Variants in ZNF594 observed in about 807,000 individuals in gnomAD.
The protein encoded by ZNF594 is zinc finger protein 594, also known as zinc finger protein HZF18.
For synonymous variants in ZNF594, 336 were observed against 309.4 expected (o/e 1.09, Z -0.90); for missense variants, 1,037 against 964.6 (o/e 1.08, Z -0.99).
At chr17:5,187,723 T>C (rs1292486775) in intron 1 of ZNF594, among the ~76,000 whole-genome samples, 1 of 152,168 alleles carries the variant, frequency 6.6e-6, no homozygotes, top group Admixed American at 6.5e-5. Flanking sequence ...CATAGAGTTG[T>C]TATGAGAATC....
downstream of ZNF594, chr17:5,175,060 GT>G (rs2144221119): frequency 5.6e-6 from 1 of 177,316 alleles, no homozygotes; most frequent in East Asian, 9.5e-5. Flanking sequence ...CTGTGATCCT[GT>G]TTTAATTCTC....
At position 5,184,456 on chromosome 17, in the gene ZNF594, T is replaced by C. The variant is rs2074373361; in HGVS notation, c.-20-180A>G. 4.5e-6 allele frequency: 3 copies of C among 663,676 alleles called. No individual in the cohort carries two copies. In the Admixed American group the frequency reaches 1.0e-4, roughly 23 times the overall value. The allele number at this position is 663,676 out of a possible 1,614,324, so 41.1% of individuals were successfully genotyped here. A position where few individuals can be genotyped will look rare whatever the true frequency, so the allele number is the denominator to read the frequency against. ...CAGGAACCTGTGCTACCACATACCCTGTTGGTGAAAAAACCCGCCAGGGTG... is the reference window on the plus strand; with the variant it reads ...CAGGAACCTGTGCTACCACATACCCCGTTGGTGAAAAAACCCGCCAGGGTG... On this transcript the variant is annotated intron_variant, in intron 1 of 1. Transcript: ENST00000575779.
At chr17:5,179,110 G>A (rs115044808), downstream of ZNF594, among the ~76,000 whole-genome samples, 1,119 of 151,542 alleles carry the variant, frequency 7.4e-3, 11 homozygotes, top group African/African-American at 0.026. Context: ...CAGCAGGGCA[G>A]GCCTCTGCCT....
intron 1 of ZNF594, among the ~76,000 whole-genome samples, chr17:5,185,592 C>A (rs1192112073): frequency 6.6e-6 from 1 of 152,140 alleles, no homozygotes; most frequent in Non-Finnish European, 1.5e-5. Context: ...CCCAACAGTC[C>A]CCCTAAGTCT....
intron 1 of ZNF594, among the ~76,000 whole-genome samples, chr17:5,188,002 G>C (rs1236753391): frequency 6.6e-6 from 1 of 151,062 alleles, no homozygotes; most frequent in African/African-American, 2.4e-5. Context: ...TTGCAGGTGT[G>C]AGGCACTGCA....
At chr17:5,174,115 G>A in the ZNF594 span, 1 of 201,632 alleles carries the variant, frequency 5.0e-6, no homozygotes, top group Admixed American at 6.0e-5. Context: ...TTTTTATTTT[G>A]ATATTTGTCT....
At chr17:5,190,589 A>AG (rs1166124993) in intron 1 of ZNF594, among the ~76,000 whole-genome samples, 1 of 152,232 alleles carries the variant, frequency 6.6e-6, no homozygotes, top group Non-Finnish European at 1.5e-5. Flanking sequence ...CTATGCCTAG[A>AG]GGAAGACTCA....
Position 5,184,193 on chromosome 17 carries a change from C to T in ZNF594, c.64G>A (p.Glu22Lys), listed in dbSNP as rs200552020. The T allele has an allele frequency of 1.4e-4, 232 of 1,614,128 alleles. No homozygotes were observed. Among genetic ancestry groups the T allele is most frequent in the Middle Eastern group, 4.9e-4 (3 of 6,062 alleles). The change falls in exon 2 of 2, where the codon GAA (glutamate) becomes AAA (lysine). Residue 22 changes from glutamate to lysine, a missense_variant. Physicochemically the swap from Glu to Lys is moderately conservative, Grantham distance 56. Coordinates refer to ENST00000575779, the MANE Select transcript of ZNF594 (RefSeq NM_032530.2). ...EEKKSARAAS[E>K]KLQRQITQEC... Reference sequence around the variant, plus strand: ...TGGGTGATTTGTCTTTGGAGTTTTTCGGATGCAGCCCTTGCTGACTTCTTT... The same window carrying T: ...TGGGTGATTTGTCTTTGGAGTTTTTTGGATGCAGCCCTTGCTGACTTCTTT...
Position 5,183,567 on chromosome 17 carries a change from C to G in ZNF594, c.690G>C (p.Gln230His). The change falls in exon 2 of 2, where the codon CAG becomes CAC. Residue 230 changes from glutamine (Q) to histidine (H), a missense_variant. By Grantham distance (24) the Gln-to-His change is conservative. Transcript: ENST00000575779. ...FKGSSNLVLH[Q>H]RIHSRGKPYL... Reference sequence around the variant, plus strand: ...ATGGCTTCCCCCTACTGTGGATTCTCTGGTGCAGGACAAGGTTTGAGCTTC... The same window carrying G: ...ATGGCTTCCCCCTACTGTGGATTCTGTGGTGCAGGACAAGGTTTGAGCTTC... 1 of 1,614,178 alleles carries G rather than the reference C, an allele frequency of 6.2e-7. No homozygotes were observed. The highest frequency in any genetic ancestry group is 8.5e-7 in the Non-Finnish European group (1 of 1,180,030).
At chr17:5,185,075 T>C (rs1383949154) in intron 1 of ZNF594, among the ~76,000 whole-genome samples, 1 of 152,246 alleles carries the variant, frequency 6.6e-6, no homozygotes, top group Non-Finnish European at 1.5e-5. Context: ...AATTGCCTCC[T>C]TTTGTGTGGC....
rs371027656 is a variant in ZNF594, at chr17:5,183,895, T to C, written c.362A>G (p.His121Arg). ...ACATTCATAGGTCTTATTTATATTA[T>C]GAATTTTCTGATGTTCAGTTAATCC... ...KSGLTEHQKIHNINKTYECKE... is the reference protein window; with the variant it reads ...KSGLTEHQKIRNINKTYECKE... Residue 121 changes from histidine to arginine, a missense_variant, in exon 2 of 2, where the codon CAT becomes CGT. Transcript: ENST00000575779. 40 of 1,613,414 alleles carry C rather than the reference T, an allele frequency of 2.5e-5. No individual in the cohort carries two copies. Among genetic ancestry groups the C allele is most frequent in the African/African-American group, 2.7e-5 (2 of 74,854 alleles).
rs549760236 is a variant in ZNF594 at position 5,182,311 on chromosome 17, T to C, written c.1946A>G (p.Glu649Gly). ...ACATTCACTACATTCATAGGGTTTCTCTCCAGTATGAATACGATGGTGTTT... is the reference window on the plus strand; with the variant it reads ...ACATTCACTACATTCATAGGGTTTCCCTCCAGTATGAATACGATGGTGTTT... ...LIKHHRIHTG[E>G]KPYECSECGK... The change falls in exon 2 of 2, where the codon GAG (glutamate) becomes GGG (glycine). Residue 649 changes from glutamate to glycine, a missense_variant. Coordinates refer to ENST00000575779, the MANE Select transcript of ZNF594 (RefSeq NM_032530.2). The C allele has an allele frequency of 1.3e-5, 21 of 1,613,574 alleles. No individual in the cohort carries two copies. The highest frequency in any genetic ancestry group is 2.2e-5 in the East Asian group (1 of 44,846).
rs1280888448 is a variant in ZNF594 at position 5,183,907 on chromosome 17, T to C, written c.350A>G (p.His117Arg). 4.3e-6 allele frequency: 7 copies of C among 1,613,506 alleles called. No individual in the cohort carries two copies. Among genetic ancestry groups the C allele is most frequent in the South Asian group, 1.1e-5 (1 of 91,000 alleles). Reference protein sequence around the residue: ...NFKQKSGLTEHQKIHNINKTY... With the variant: ...NFKQKSGLTERQKIHNINKTY... ...CTTATTTATATTATGAATTTTCTGA[T>C]GTTCAGTTAATCCTGACTTCTGTTT... Residue 117 changes from histidine to arginine, a missense_variant, in exon 2 of 2, where the codon CAT becomes CGT. His to Arg is a conservative substitution (Grantham distance 29). Coordinates refer to ENST00000575779, the MANE Select transcript of ZNF594 (RefSeq NM_032530.2).
Position 5,182,865 on chromosome 17 carries a change from T to C in ZNF594, c.1392A>G (p.Glu464=), listed in dbSNP as rs186582202. The part of the protein sequence containing the change: ...HTGEKPYECS[E]CGKAFSQRSH... ...ACCTCTGGCTAAAGGCTTTCCCACA[T>C]TCACTACATTCATAGGGTTTCTCTC... The change falls in exon 2 of 2, where the codon GAA becomes GAG. Residue 464 remains glutamate (E), a synonymous_variant. Coordinates refer to ENST00000575779, the MANE Select transcript of ZNF594 (RefSeq NM_032530.2). 1.2e-6 allele frequency: 2 copies of C among 1,614,074 alleles called. No homozygotes were observed. The highest frequency in any genetic ancestry group is 1.3e-5 in the African/African-American group (1 of 74,992).
chr17:5,183,747 A>T lies in ZNF594; in HGVS notation c.510T>A (p.Leu170=). 1 of 1,613,128 alleles carries T rather than the reference A, an allele frequency of 6.2e-7. No individual in the cohort carries two copies. The highest frequency in any genetic ancestry group is 8.5e-7 in the Non-Finnish European group (1 of 1,179,214). The change falls in exon 2 of 2, where the codon CTT becomes CTA. Residue 170 remains leucine, a synonymous_variant. Transcript: ENST00000575779. ...CTGTATGAATTCTCTGATGTATAATAAGATTTGAACTTTGATTAGAGTCTT... is the reference window on the plus strand; with the variant it reads ...CTGTATGAATTCTCTGATGTATAATTAGATTTGAACTTTGATTAGAGTCTT... The part of the protein sequence containing the change: ...CGKDSNQSSN[L]IIHQRIHTGK...
rs769939271 is a variant in ZNF594, at chr17:5,184,048, T to C, written c.209A>G (p.His70Arg). The change falls in exon 2 of 2, where the codon CAT becomes CGT. Residue 70 changes from histidine to arginine, a missense_variant. Transcript: ENST00000575779. ...PSQESGIREMHIIPQKAIVGE... is the reference protein window; with the variant it reads ...PSQESGIREMRIIPQKAIVGE... ...CACAATGGCTTTCTGGGGGATAATA[T>C]GCATTTCCCTGATACCGCTCTCTTG... 21 of 1,614,038 alleles carry C rather than the reference T, an allele frequency of 1.3e-5. No homozygotes were observed. The Admixed American group carries it at 3.2e-4, about 24-fold the overall frequency.
Position 5,182,144 on chromosome 17 carries a change from C to A in ZNF594, c.2113G>T (p.Glu705Ter). ...CATTCCTTACATTCATAGGGTTTCT[C>A]ACCACTATGAAGTCTCCGATGTTGA... ...LIQHRRLHSG[E>*]KPYECKECGK... The change falls in exon 2 of 2, where the codon GAG becomes TAG. Residue 705 changes from glutamate (E) to a stop codon, truncating the protein, a stop_gained. Transcript: ENST00000575779. LOFTEE classifies it low-confidence loss of function (END_TRUNC). The A allele has an allele frequency of 6.2e-7, 1 of 1,613,558 alleles. No individual in the cohort carries two copies. Among genetic ancestry groups the A allele is most frequent in the Non-Finnish European group, 8.5e-7 (1 of 1,180,002 alleles).
At chr17:5,188,750 CTTTT>C (rs34604391) in intron 1 of ZNF594, among the ~76,000 whole-genome samples, 2 of 140,878 alleles carry the variant, frequency 1.4e-5, no homozygotes, top group Non-Finnish European at 3.1e-5. Context: ...AAAATTTTGA[CTTTT>C]TTTTTTTTTT....
chr17:5,174,976 A>G (rs997095409), downstream of ZNF594: 1 of 187,272 alleles, frequency 5.3e-6, no homozygotes, highest in African/African-American at 2.3e-5. Context: ...CAAATTAAAT[A>G]CTGTGGTTGC....
Sources: allele counts gnomAD v4.1 joint callset (sites outside exome capture counted in the v4.1 genomes callset), GRCh38; gene constraint gnomAD v4.1.1; transcripts MANE v1.5; gene names NCBI Gene and HGNC (gene_info 2026-07-23, HGNC 2026-07-21).